The following CDK14 variants were observed in gnomAD, a reference collection of about 807,000 sequenced individuals.
CDK14 encodes the protein cyclin-dependent kinase 14.
Under a neutral mutation model 60.7 loss-of-function variants are expected in CDK14, and 34 were observed. The observed-to-expected ratio is 0.56, with a 90% CI of 0.43 to 0.75. The LOEUF is 0.75. Ranked by LOEUF, CDK14 falls within the 30% of genes least tolerant of loss-of-function variation. The pLI is 0.00. For synonymous variants in CDK14, 197 were observed against 203.7 expected, an observed-to-expected ratio of 0.97 and a Z score of 0.28; for missense variants, 482 against 564.1, an observed-to-expected ratio of 0.85 and a Z score of 1.47.
chr7:91,057,922 G>C (rs1254095102), intron 11 of CDK14, among the ~76,000 whole-genome samples: 1 of 152,042 alleles, frequency 6.6e-6, no homozygotes, highest in African/African-American at 2.4e-5. Context: ...CTTTAAAGTA[G>C]TTTTATCCAA....
chr7:90,784,900 T>A (rs2116945305), intron 4 of CDK14, among the ~76,000 whole-genome samples: 1 of 152,324 alleles, frequency 6.6e-6, no homozygotes, highest in Non-Finnish European at 1.5e-5. Context: ...AGGGAATTAA[T>A]AAATGAAACA....
chr7:91,121,732 G>A (rs1799787721), intron 14 of CDK14, among the ~76,000 whole-genome samples: 1 of 152,140 alleles, frequency 6.6e-6, no homozygotes, highest in Non-Finnish European at 1.5e-5. Flanking sequence ...CTTACATTTT[G>A]TTATCTTCTA....
intron 8 of CDK14, among the ~76,000 whole-genome samples, chr7:90,950,537 G>C (rs1310831417): frequency 1.3e-5 from 2 of 152,138 alleles, no homozygotes; most frequent in Non-Finnish European, 2.9e-5. Context: ...AATCCACTGG[G>C]TTTTGTGATT....
chr7:90,935,611 A>G (rs1252974025), intron 8 of CDK14, among the ~76,000 whole-genome samples: 2 of 152,226 alleles, frequency 1.3e-5, no homozygotes, highest in African/African-American at 4.8e-5. Flanking sequence ...CTATCTTTAC[A>G]TAATGGGCAA....
intron 5 of CDK14, among the ~76,000 whole-genome samples, chr7:90,798,459 A>G (rs951834958): frequency 6.6e-6 from 1 of 152,194 alleles, no homozygotes; most frequent in Non-Finnish European, 1.5e-5. Context: ...GATATGTTCA[A>G]TTTTACATTG....
chr7:91,201,247 A>G (rs1287283628), intron 14 of CDK14, among the ~76,000 whole-genome samples: 1 of 152,136 alleles, frequency 6.6e-6, no homozygotes, highest in Non-Finnish European at 1.5e-5. Context: ...CTTTACTGTT[A>G]TGAGGTAGCT....
intron 6 of CDK14, among the ~76,000 whole-genome samples, chr7:90,880,778 A>G (rs543713560): frequency 3.9e-5 from 6 of 152,218 alleles, no homozygotes; most frequent in Non-Finnish European, 8.8e-5. Flanking sequence ...ATCTCCAGGG[A>G]CAGGAACGAA....
rs1438762086 is a variant in CDK14 at position 90,841,525 on chromosome 7, C to A, written c.545-21650C>A. On this transcript the variant is annotated intron_variant, in intron 5 of 14. Transcript: ENST00000380050. Reference sequence around the variant, plus strand: ...TGTTAAATTTGGGGTGGTAACTAAACATGTTGCTTAATTGCCTCCTTTTTT... The same window carrying A: ...TGTTAAATTTGGGGTGGTAACTAAAAATGTTGCTTAATTGCCTCCTTTTTT... Among the ~76,000 whole-genome samples the A allele has an allele frequency of 2.6e-5, 4 of 151,830 alleles. No individual in the cohort carries two copies. The East Asian group carries it at 7.7e-4, about 29-fold the overall frequency.
chr7:91,135,807 A>G (rs558488640), intron 14 of CDK14, among the ~76,000 whole-genome samples: 172 of 152,256 alleles, frequency 1.1e-3, no homozygotes, highest in Middle Eastern at 6.8e-3. Context: ...TGTGTGGTAA[A>G]AGTGACTTGT....
chr7:91,183,704 C>T (rs1258452019), intron 14 of CDK14, among the ~76,000 whole-genome samples: 1 of 152,176 alleles, frequency 6.6e-6, no homozygotes, highest in Admixed American at 6.5e-5. Flanking sequence ...GTTCTTTCCA[C>T]CTCAAGTCTA....
At chr7:91,056,611 A>G (rs1584271153) in intron 11 of CDK14, among the ~76,000 whole-genome samples, 1 of 121,906 alleles carries the variant, frequency 8.2e-6, no homozygotes, top group African/African-American at 3.2e-5. Flanking sequence ...TCCTGTGTCC[A>G]TGTGTTCTCA....
At chr7:90,727,832 CATA>C (rs1411302969) in intron 3 of CDK14, among the ~76,000 whole-genome samples, 1 of 152,080 alleles carries the variant, frequency 6.6e-6, no homozygotes, top group Non-Finnish European at 1.5e-5. Context: ...ATCCTATAGT[CATA>C]AGGCGTCCTT....
intron 4 of CDK14, among the ~76,000 whole-genome samples, chr7:90,756,953 A>G (rs974305349): frequency 1.3e-5 from 2 of 152,148 alleles, no homozygotes; most frequent in Admixed American, 1.3e-4. Context: ...CATAAGCTTC[A>G]TTGTATTAGT....
intron 2 of CDK14, among the ~76,000 whole-genome samples, chr7:90,641,912 C>T (rs928492990): frequency 1.3e-5 from 2 of 152,180 alleles, no homozygotes; most frequent in Non-Finnish European, 2.9e-5. Context: ...GCACATCTCA[C>T]ATGGTGGCAG....
intron 2 of CDK14, among the ~76,000 whole-genome samples, chr7:90,628,285 TG>T (rs1457971797): frequency 6.6e-6 from 1 of 152,146 alleles, no homozygotes; most frequent in Admixed American, 6.5e-5. Flanking sequence ...GATTCTAGCT[TG>T]TTTGCTTTCC....
At chr7:90,880,234 A>C (rs563791658) in intron 6 of CDK14, among the ~76,000 whole-genome samples, 2 of 152,320 alleles carry the variant, frequency 1.3e-5, no homozygotes, top group African/African-American at 2.4e-5. Context: ...CTATAGCTCC[A>C]GGCTTCCTCT....
chr7:90,700,057 A>G (rs1044815914), intron 2 of CDK14, among the ~76,000 whole-genome samples: 5 of 152,122 alleles, frequency 3.3e-5, no homozygotes, highest in Non-Finnish European at 5.9e-5. Context: ...CCCCAAAGCT[A>G]TATTTTTCTT....
chr7:90,828,764 T>C (rs1014623991), intron 5 of CDK14, among the ~76,000 whole-genome samples: 1 of 152,220 alleles, frequency 6.6e-6, no homozygotes, highest in African/African-American at 2.4e-5. Flanking sequence ...TCTTTTACAA[T>C]TCAGATGTTT....
At chr7:90,669,341 T>A (rs552392121) in intron 2 of CDK14, among the ~76,000 whole-genome samples, 169 of 152,308 alleles carry the variant, frequency 1.1e-3, no homozygotes, top group Non-Finnish European at 2.0e-3. Context: ...TTGCTCTTTG[T>A]GAAACTCCCT....
Sources: allele counts gnomAD v4.1 joint callset (sites outside exome capture counted in the v4.1 genomes callset), GRCh38; gene constraint gnomAD v4.1.1; transcripts MANE v1.5; gene names NCBI Gene and HGNC (gene_info 2026-07-23, HGNC 2026-07-21).